The following PCDH15 variants were observed in gnomAD, a reference collection of about 807,000 sequenced individuals.
PCDH15 encodes the protein protocadherin-15.
In PCDH15, 129 loss-of-function variants were observed where a neutral mutation model predicts 178.5. That is an observed-to-expected ratio of 0.72 (90% CI 0.63 to 0.84). PCDH15 has a LOEUF of 0.84. Ranked by LOEUF, PCDH15 falls within the 40% of genes least tolerant of loss-of-function variation. The pLI is 0.00. For missense variants in PCDH15, 2,230 were observed against 2,099.9 expected, an observed-to-expected ratio of 1.06 and a Z score of -1.21; for synonymous variants, 800 against 732.0, an observed-to-expected ratio of 1.09 and a Z score of -1.50.
chr10:55,474,050 C>A (rs11004882), intron 2 of PCDH15, among the ~76,000 whole-genome samples: 1 of 151,898 alleles, frequency 6.6e-6, no homozygotes, highest in Non-Finnish European at 1.5e-5. Context: ...CAAGACCATG[C>A]CACTTCCCAC....
chr10:54,329,181 A>G (rs1478065704), intron 7 of PCDH15, among the ~76,000 whole-genome samples: 1 of 151,866 alleles, frequency 6.6e-6, no homozygotes, highest in African/African-American at 2.4e-5. Flanking sequence ...GTACCTTAGA[A>G]TTCCCTGAAG....
intron 3 of PCDH15, among the ~76,000 whole-genome samples, chr10:54,854,667 C>A (rs1953704952): frequency 6.6e-6 from 1 of 152,074 alleles, no homozygotes; most frequent in Non-Finnish European, 1.5e-5. Flanking sequence ...GTGGGTAGCT[C>A]CTCTCTGCAG....
chr10:54,230,918 C>T (rs1205991968), intron 9 of PCDH15, among the ~76,000 whole-genome samples: 1 of 152,128 alleles, frequency 6.6e-6, no homozygotes, highest in East Asian at 1.9e-4. Context: ...AAGCTAAAGT[C>T]AGCAGACTTT....
At chr10:54,563,013 T>C (rs1309732924) in intron 2 of PCDH15, among the ~76,000 whole-genome samples, 1 of 152,196 alleles carries the variant, frequency 6.6e-6, no homozygotes, top group African/African-American at 2.4e-5. Flanking sequence ...TTTACTCATG[T>C]ATAGGAGATA....
chr10:55,425,503 T>C (rs7906554), intron 2 of PCDH15, among the ~76,000 whole-genome samples: 71,582 of 151,804 alleles, frequency 0.47, 17,685 homozygotes, highest in Middle Eastern at 0.53. Flanking sequence ...TGTAAAAATA[T>C]TGTATTCATA....
intron 13 of PCDH15, among the ~76,000 whole-genome samples, chr10:54,166,483 T>G (rs1456988317): frequency 2.0e-5 from 3 of 152,222 alleles, no homozygotes; most frequent in Non-Finnish European, 4.4e-5. Context: ...ATATTAGGAC[T>G]TGCACAATAG....
chr10:54,630,601 A>G (rs1232704001), intron 2 of PCDH15, among the ~76,000 whole-genome samples: 1 of 152,212 alleles, frequency 6.6e-6, no homozygotes, highest in Admixed American at 6.5e-5. Context: ...CTAAGAATTT[A>G]TGAGTAAGTC....
intron 8 of PCDH15, among the ~76,000 whole-genome samples, chr10:54,281,799 A>G (rs189154066): frequency 1.2e-3 from 182 of 152,154 alleles, no homozygotes; most frequent in African/African-American, 4.2e-3. Context: ...ATTAAACTGT[A>G]ACTCTTGCCC....
chr10:53,888,011 T>C (rs2081222398), intron 26 of PCDH15, among the ~76,000 whole-genome samples: 1 of 151,930 alleles, frequency 6.6e-6, no homozygotes, highest in Non-Finnish European at 1.5e-5. Flanking sequence ...AGAAATACTA[T>C]AATAATTTGA....
In PCDH15 at chr10:54,538,050, A is replaced by G. The variant is rs1478937609; in HGVS notation, c.92-10173T>C. Among the ~76,000 whole-genome samples the G allele has an allele frequency of 2.0e-5, 3 of 152,074 alleles. No homozygotes were observed. In the East Asian group the frequency reaches 5.8e-4, roughly 29 times the overall value. On this transcript the variant is annotated intron_variant, in intron 2 of 37. Coordinates refer to ENST00000644397, the MANE Select transcript of PCDH15 (RefSeq NM_001384140.1). ...GGTGCATAGTTTGAAAATACTTTCT[A>G]CCATTGTGTAGGTTGTATTTTTACT...
intron 2 of PCDH15, among the ~76,000 whole-genome samples, chr10:55,395,462 AATAC>A (rs1220208278): frequency 6.6e-6 from 1 of 152,110 alleles, no homozygotes; most frequent in Non-Finnish European, 1.5e-5. Flanking sequence ...AATGTGCTGA[AATAC>A]ATTGAAAATA....
chr10:54,658,871 T>C (rs1245092107), intron 2 of PCDH15, among the ~76,000 whole-genome samples: 1 of 152,174 alleles, frequency 6.6e-6, no homozygotes, highest in South Asian at 2.1e-4. Flanking sequence ...AGCAAGACCC[T>C]ACCATTTGCT....
intron 3 of PCDH15, among the ~76,000 whole-genome samples, chr10:54,508,145 C>T (rs1156232472): frequency 6.6e-6 from 1 of 151,948 alleles, no homozygotes; most frequent in African/African-American, 2.4e-5. Flanking sequence ...GAGTTAACAT[C>T]CTACTGTATG....
chr10:54,900,120 A>G (rs182623652), intron 2 of PCDH15, among the ~76,000 whole-genome samples: 38 of 152,286 alleles, frequency 2.5e-4, no homozygotes, highest in Admixed American at 2.2e-3. Context: ...GGCATGTTCA[A>G]ACTTATTGAT....
chr10:55,472,799 A>G (rs1316746109), intron 2 of PCDH15, among the ~76,000 whole-genome samples: 1 of 152,134 alleles, frequency 6.6e-6, no homozygotes, highest in Non-Finnish European at 1.5e-5. Context: ...CCATCTCCTG[A>G]CCTCGTGATC....
chr10:53,986,627 A>C (rs558541641), intron 21 of PCDH15, among the ~76,000 whole-genome samples: 1 of 152,370 alleles, frequency 6.6e-6, no homozygotes, highest in East Asian at 1.9e-4. Flanking sequence ...TATGCATACA[A>C]GTGAACATTA....
At chr10:54,445,358 A>C (rs932010946) in intron 3 of PCDH15, among the ~76,000 whole-genome samples, 1 of 151,568 alleles carries the variant, frequency 6.6e-6, no homozygotes, top group Admixed American at 6.6e-5. Flanking sequence ...AAAAACAGAA[A>C]AAAAGAGAAT....
chr10:55,306,519 G>A (rs1214285145), intron 1 of PCDH15, among the ~76,000 whole-genome samples: 1 of 152,034 alleles, frequency 6.6e-6, no homozygotes, highest in African/African-American at 2.4e-5. Flanking sequence ...TTGAGACAAC[G>A]GCAGTAAAAA....
At chr10:54,479,662 G>A (rs190374372) in intron 3 of PCDH15, among the ~76,000 whole-genome samples, 55 of 151,728 alleles carry the variant, frequency 3.6e-4, no homozygotes, top group African/African-American at 1.3e-3. Flanking sequence ...TTGCCCTCCC[G>A]CTACTTATGC....
Sources: allele counts gnomAD v4.1 joint callset (sites outside exome capture counted in the v4.1 genomes callset), GRCh38; gene constraint gnomAD v4.1.1; transcripts MANE v1.5; gene names NCBI Gene and HGNC (gene_info 2026-07-23, HGNC 2026-07-21).